Variants in PPARD observed in about 807,000 individuals in gnomAD.
PPARD encodes the protein peroxisome proliferator activated receptor delta, also known as peroxisome proliferator-activated receptor delta.
PPARD carries 6 observed loss-of-function variants against 39.5 expected under a neutral mutation model. That is an observed-to-expected ratio of 0.15 (90% confidence interval 0.08 to 0.30). The LOEUF (loss-of-function observed/expected upper bound fraction) is 0.30, where lower values mean the gene tolerates loss of function less well. PPARD is among the 10% of genes least tolerant of loss of function. The pLI is 1.00. For missense variants in PPARD, 397 were observed against 596.8 expected (o/e 0.67, Z 3.49); for synonymous variants, 210 against 231.3 (o/e 0.91, Z 0.83).
Position 35,426,097 on chromosome 6 carries a change from C to G in PPARD, c.*18C>G. On this transcript the variant is annotated 3_prime_UTR_variant, in exon 8 of 8. Coordinates refer to ENST00000360694, the MANE Select transcript of PPARD (RefSeq NM_006238.5). Reference sequence around the variant, plus strand: ...TGTACTAACGGCGGCACCCAGGCCTCCCTGCAGACTCCAATGGGGCCAGCA... The same window carrying G: ...TGTACTAACGGCGGCACCCAGGCCTGCCTGCAGACTCCAATGGGGCCAGCA... 1.9e-6 allele frequency: 3 copies of G among 1,606,120 alleles called. No homozygotes were observed. Among genetic ancestry groups the G allele is most frequent in the Non-Finnish European group, 2.5e-6 (3 of 1,178,658 alleles).
At chr6:35,388,103 A>G (rs1025146645) in intron 2 of PPARD, among the ~76,000 whole-genome samples, 1 of 150,848 alleles carries the variant, frequency 6.6e-6, no homozygotes, top group Non-Finnish European at 1.5e-5. Flanking sequence ...AAACCTCTTC[A>G]TAGCTGTTTT....
At chr6:35,423,854 G>A in intron 5 of PPARD, 92 bp from the exon 6 acceptor site, 2 of 1,285,512 alleles carry the variant, frequency 1.6e-6, no homozygotes, top group Non-Finnish European at 2.2e-6. Flanking sequence ...GGCTCCAAAA[G>A]GATTTGGCCC....
intron 1 of PPARD, among the ~76,000 whole-genome samples, chr6:35,345,945 T>C (rs998934445): frequency 6.6e-6 from 1 of 151,264 alleles, no homozygotes; most frequent in African/African-American, 2.4e-5. Flanking sequence ...GGTGCGATCT[T>C]GGCTCACTGC....
chr6:35,402,251 C>G (rs1337093510), intron 2 of PPARD, among the ~76,000 whole-genome samples: 1 of 152,196 alleles, frequency 6.6e-6, no homozygotes, highest in Non-Finnish European at 1.5e-5. Flanking sequence ...GTGGCCATGT[C>G]TTTTCAGTTT....
chr6:35,406,799 C>T (rs1765082164), intron 2 of PPARD, among the ~76,000 whole-genome samples: 1 of 152,228 alleles, frequency 6.6e-6, no homozygotes, highest in Admixed American at 6.5e-5. Context: ...AACCCACTAC[C>T]AGCTCATATG....
chr6:35,416,997 G>A (rs578138679), intron 3 of PPARD, among the ~76,000 whole-genome samples: 1 of 151,120 alleles, frequency 6.6e-6, no homozygotes, highest in South Asian at 2.1e-4. Flanking sequence ...ATTTTTTTGA[G>A]ACAAGGTCTT....
At chr6:35,383,132 A>G (rs556576526) in intron 2 of PPARD, among the ~76,000 whole-genome samples, 1 of 152,278 alleles carries the variant, frequency 6.6e-6, no homozygotes, top group South Asian at 2.1e-4. Flanking sequence ...GAACCTGGCC[A>G]GTCAAGGAAA....
At chr6:35,355,643 G>A (rs376041530) in intron 2 of PPARD, among the ~76,000 whole-genome samples, 1 of 93,622 alleles carries the variant, frequency 1.1e-5, no homozygotes. Flanking sequence ...ACGGAGTCTC[G>A]CTTTGTTGCC....
chr6:35,343,753 T>C (rs1792003773), intron 1 of PPARD, among the ~76,000 whole-genome samples: 1 of 152,194 alleles, frequency 6.6e-6, no homozygotes, highest in South Asian at 2.1e-4. Context: ...GTGCCACGGG[T>C]AGCCGGAGGC....
intron 2 of PPARD, among the ~76,000 whole-genome samples, chr6:35,388,103 A>T (rs1025146645): frequency 6.6e-6 from 1 of 150,848 alleles, no homozygotes; most frequent in African/African-American, 2.4e-5. Flanking sequence ...AAACCTCTTC[A>T]TAGCTGTTTT....
chr6:35,420,819 C>T (rs371872287), intron 4 of PPARD, among the ~76,000 whole-genome samples: 43 of 85,716 alleles, frequency 5.0e-4, no homozygotes, highest in Admixed American at 7.1e-4. Context: ...AACAAAGAAG[C>T]TTTTTTTTTT....
intron 2 of PPARD, among the ~76,000 whole-genome samples, chr6:35,349,907 A>T (rs1486440598): frequency 6.6e-6 from 1 of 151,566 alleles, no homozygotes; most frequent in South Asian, 2.1e-4. Context: ...ACGCCCAGCT[A>T]ATTTTTGTAT....
intron 5 of PPARD, among the ~76,000 whole-genome samples, chr6:35,422,793 G>A (rs904305675): frequency 6.6e-6 from 1 of 152,156 alleles, no homozygotes; most frequent in African/African-American, 2.4e-5. Flanking sequence ...AACTCCAGGA[G>A]AAGTCGAATT....
At chr6:35,351,050 G>T (rs1204587931) in intron 2 of PPARD, among the ~76,000 whole-genome samples, 3 of 152,054 alleles carry the variant, frequency 2.0e-5, no homozygotes, top group African/African-American at 7.2e-5. Flanking sequence ...TTTTGAGACG[G>T]AGTCTCTCTC....
intron 2 of PPARD, among the ~76,000 whole-genome samples, chr6:35,357,080 G>T (rs1449842056): frequency 1.3e-5 from 2 of 152,184 alleles, no homozygotes; most frequent in African/African-American, 4.8e-5. Flanking sequence ...TTTGTGTCTG[G>T]TTAGAAGCCA....
chr6:35,380,873 T>C (rs1702464209), intron 2 of PPARD, among the ~76,000 whole-genome samples: 1 of 152,100 alleles, frequency 6.6e-6, no homozygotes, highest in Non-Finnish European at 1.5e-5. Context: ...ACATACAAAG[T>C]GCTTGGTGCT....
chr6:35,425,402 A>G lies in PPARD; in HGVS notation c.1079-430A>G, dbSNP rs185674844. 2.2e-5 allele frequency: 23 copies of G among 1,043,844 alleles called. No individual in the cohort carries two copies. In the African/African-American group the frequency reaches 3.6e-4, roughly 16 times the overall value. The allele number at this position is 1,043,844 out of a possible 1,614,324, so 64.7% of individuals were successfully genotyped here. On this transcript the variant is annotated intron_variant, in intron 7 of 7. Coordinates refer to ENST00000360694, the MANE Select transcript of PPARD (RefSeq NM_006238.5). This position sits in a 1 kb window ranked among gnomAD's most constrained non-coding sequence, Gnocchi z 4.5. ...TACAATAATAACTATGCTAACTAAC[A>G]GTGGTCTAGAGCTTACTTCATGCCA...
intron 2 of PPARD, among the ~76,000 whole-genome samples, chr6:35,361,279 G>A (rs1761912649): frequency 6.6e-6 from 1 of 152,170 alleles, no homozygotes; most frequent in African/African-American, 2.4e-5. Flanking sequence ...AATGATGATT[G>A]TTTCATTAGT....
At chr6:35,415,105 T>G (rs1765665478) in intron 3 of PPARD, among the ~76,000 whole-genome samples, 1 of 152,208 alleles carries the variant, frequency 6.6e-6, no homozygotes, top group Non-Finnish European at 1.5e-5. Flanking sequence ...TAAAGTGTCC[T>G]TCCTCCTGGC....
Sources: allele counts gnomAD v4.1 joint callset (sites outside exome capture counted in the v4.1 genomes callset), GRCh38; gene constraint gnomAD v4.1.1; non-coding constraint Gnocchi (gnomAD v3.1); transcripts MANE v1.5; gene names NCBI Gene and HGNC (gene_info 2026-07-23, HGNC 2026-07-21).